DENND1B: variants seen among roughly 807,000 people sequenced by gnomAD.
DENND1B encodes the protein DENN domain-containing protein 1B.
DENND1B carries 59 observed loss-of-function variants against 90.1 expected under a neutral mutation model. That is an observed-to-expected ratio of 0.65 (90% confidence interval 0.53 to 0.81). DENND1B has a LOEUF of 0.81. Ranked by LOEUF, DENND1B falls within the 40% of genes least tolerant of loss-of-function variation. The pLI is 0.00. For synonymous variants in DENND1B, 337 were observed against 324.6 expected (o/e 1.04, Z -0.41); for missense variants, 862 against 912.6 (o/e 0.94, Z 0.71).
chr1:197,684,491 G>A (rs1378087314), intron 3 of DENND1B, among the ~76,000 whole-genome samples: 1 of 152,056 alleles, frequency 6.6e-6, no homozygotes, highest in African/African-American at 2.4e-5. Flanking sequence ...TATATGAAGA[G>A]TTAAGATTAT....
chr1:197,654,149 T>TA (rs1299638707), intron 6 of DENND1B, among the ~76,000 whole-genome samples: 3 of 152,162 alleles, frequency 2.0e-5, no homozygotes, highest in Non-Finnish European at 4.4e-5. Context: ...AATTACATTA[T>TA]AAAAAATTGG....
At chr1:197,751,891 G>A (rs1179026393) in intron 2 of DENND1B, among the ~76,000 whole-genome samples, 2 of 146,348 alleles carry the variant, frequency 1.4e-5, no homozygotes, top group Admixed American at 6.8e-5. Context: ...GGAGGAGGGA[G>A]GAGGAGGAGG....
At chr1:197,732,551 C>A (rs931236180) in intron 2 of DENND1B, among the ~76,000 whole-genome samples, 25 of 152,196 alleles carry the variant, frequency 1.6e-4, no homozygotes, top group Admixed American at 4.6e-4. Context: ...TAAAAGACAC[C>A]ATGGCAGACT....
Position 197,645,751 on chromosome 1 carries a change from A to T in DENND1B, c.508-8T>A. On this transcript the variant is annotated splice_polypyrimidine_tract_variant and splice_region_variant and intron_variant, in intron 8 of 22. Coordinates refer to ENST00000620048, the MANE Select transcript of DENND1B (RefSeq NM_001195215.2). ...GGCAATGAAGTAGGAATGCTAATCA[A>T]TACAAATAAATCACATATGAAAAAG... 1 of 1,545,580 alleles carries T rather than the reference A, an allele frequency of 6.5e-7. No homozygotes were observed. Among genetic ancestry groups the T allele is most frequent in the Non-Finnish European group, 8.7e-7 (1 of 1,143,638 alleles).
intron 2 of DENND1B, among the ~76,000 whole-genome samples, chr1:197,766,648 T>C (rs1482988229): frequency 6.6e-6 from 1 of 152,134 alleles, no homozygotes. Context: ...TTCCAAGACA[T>C]ATATGGACTT....
chr1:197,504,926 C>A lies in DENND1B; in HGVS notation c.*5534G>T, dbSNP rs1203907103. On this transcript the variant is annotated 3_prime_UTR_variant, in exon 23 of 23. Coordinates refer to ENST00000620048, the MANE Select transcript of DENND1B (RefSeq NM_001195215.2). ...GATTTATACTGTAGCCTCAAGGATG[C>A]AAGAACAATGAAGTAAAATCACAAT... The A allele has an allele frequency of 6.6e-6, 1 of 151,772 alleles. No homozygotes were observed. The allele number at this position is 151,772 out of a possible 1,614,324, so 9.4% of individuals were successfully genotyped here.
At chr1:197,725,727 G>A (rs77576625) in intron 2 of DENND1B, among the ~76,000 whole-genome samples, 1 of 151,720 alleles carries the variant, frequency 6.6e-6, no homozygotes, top group South Asian at 2.1e-4. Flanking sequence ...AGAGTTAAGG[G>A]GGAACAAGCA....
chr1:197,506,100 A>T lies in DENND1B; in HGVS notation c.*4360T>A, dbSNP rs140684646. 5.2e-4 allele frequency: 79 copies of T among 151,826 alleles called. No individual in the cohort carries two copies. The East Asian group carries it at 0.013, about 25-fold the overall frequency. The allele number at this position is 151,826 out of a possible 1,614,324, so 9.4% of individuals were successfully genotyped here. A position where few individuals can be genotyped will look rare whatever the true frequency, so the allele number is the denominator to read the frequency against. ...AATCAATGAGAACATTGCTACATAC[A>T]GATTTACTCAAATACTGAAAAACAT... On this transcript the variant is annotated 3_prime_UTR_variant, in exon 23 of 23. Coordinates refer to ENST00000620048, the MANE Select transcript of DENND1B (RefSeq NM_001195215.2).
At chr1:197,738,113 TCTC>T (rs1417604428) in intron 2 of DENND1B, among the ~76,000 whole-genome samples, 1 of 152,198 alleles carries the variant, frequency 6.6e-6, no homozygotes, top group Non-Finnish European at 1.5e-5. Context: ...TTACATTTCT[TCTC>T]CTCTCTGTCA....
At chr1:197,644,741 G>C (rs1419606428) in intron 9 of DENND1B, among the ~76,000 whole-genome samples, 3 of 152,140 alleles carry the variant, frequency 2.0e-5, no homozygotes, top group Admixed American at 2.0e-4. Flanking sequence ...TCTTGGTTTG[G>C]TATCAGAAAA....
chr1:197,739,036 C>T (rs1397010872), intron 2 of DENND1B, among the ~76,000 whole-genome samples: 1 of 152,146 alleles, frequency 6.6e-6, no homozygotes, highest in East Asian at 1.9e-4. Flanking sequence ...CACCACCAAC[C>T]CACCCAAGAC....
intron 2 of DENND1B, chr1:197,735,514 C>G: frequency 6.2e-7 from 1 of 1,605,272 alleles, no homozygotes; most frequent in South Asian, 1.1e-5. Context: ...TTTATGTTTA[C>G]TTTAGTGTGA....
At chr1:197,572,408 GC>G (rs1192034872) in intron 15 of DENND1B, among the ~76,000 whole-genome samples, 1 of 152,172 alleles carries the variant, frequency 6.6e-6, no homozygotes, top group Non-Finnish European at 1.5e-5. Context: ...AAATAAAGGG[GC>G]CGGGAAGCTC....
intron 15 of DENND1B, among the ~76,000 whole-genome samples, chr1:197,573,298 C>T (rs997201562): frequency 2.0e-5 from 3 of 151,968 alleles, no homozygotes; most frequent in Non-Finnish European, 4.4e-5. Context: ...TTTCCCTCTA[C>T]ACACTGCTTT....
At chr1:197,667,302 CAGAG>C (rs1655038247) in intron 5 of DENND1B, among the ~76,000 whole-genome samples, 1 of 152,110 alleles carries the variant, frequency 6.6e-6, no homozygotes, top group Admixed American at 6.6e-5. Context: ...GTTGAAATTA[CAGAG>C]AAACATCAAT....
intron 7 of DENND1B, among the ~76,000 whole-genome samples, chr1:197,651,533 G>A (rs1653174852): frequency 6.7e-6 from 1 of 149,012 alleles, no homozygotes; most frequent in Non-Finnish European, 1.5e-5. Flanking sequence ...ATATTTATAT[G>A]TTATATGTCA....
At chr1:197,610,113 A>G (rs749396025) in intron 12 of DENND1B, among the ~76,000 whole-genome samples, 6 of 150,766 alleles carry the variant, frequency 4.0e-5, no homozygotes, top group Admixed American at 1.3e-4. Context: ...CTTCTCATTC[A>G]CTAATAAACC....
chr1:197,652,984 T>G (rs1204895838), intron 6 of DENND1B, among the ~76,000 whole-genome samples: 1 of 152,020 alleles, frequency 6.6e-6, no homozygotes, highest in Non-Finnish European at 1.5e-5. Flanking sequence ...TTATCCTTAT[T>G]CTCTATTTTC....
At position 197,579,364 on chromosome 1, in the gene DENND1B, T is replaced by C. The variant is rs559493397; in HGVS notation, c.1149+3788A>G. 2.0e-5 allele frequency among the ~76,000 whole-genome samples: 3 copies of C among 152,318 alleles called. No homozygotes were observed. The East Asian group carries it at 5.8e-4, about 29-fold the overall frequency. Reference sequence around the variant, plus strand: ...AGATATCATGCCAGTATCTTCTAGATTCCATTGTTGCTGCTGTGAAGTAAG... The same window carrying C: ...AGATATCATGCCAGTATCTTCTAGACTCCATTGTTGCTGCTGTGAAGTAAG... On this transcript the variant is annotated intron_variant, in intron 15 of 22. Transcript: ENST00000620048.
Sources: gnomAD v4.1 joint callset for allele counts (sites outside exome capture counted in the v4.1 genomes callset) on GRCh38, gnomAD v4.1.1 for gene constraint, MANE v1.5 for transcripts, NCBI Gene and HGNC (gene_info 2026-07-23, HGNC 2026-07-21) for gene names.